The following ARHGAP15 variants were observed in gnomAD, a reference collection of about 807,000 sequenced individuals.
ARHGAP15 encodes rho GTPase-activating protein 15.
A neutral mutation model predicts 63.7 loss-of-function variants in ARHGAP15; 51 were observed. The ratio of observed to expected loss-of-function variants is 0.80; its 90% CI spans 0.64 to 1.01. The LOEUF (loss-of-function observed/expected upper bound fraction) is 1.01. Among genes scored for constraint, ARHGAP15 ranks in the 50% least tolerant of loss-of-function variants. The probability of loss-of-function intolerance (pLI) is 0.00; values close to 1 mark genes in which losing one functional copy is unlikely to be tolerated. For synonymous variants in ARHGAP15, 191 were observed against 193.8 expected, an observed-to-expected ratio of 0.99 and a Z score of 0.12; for missense variants, 560 against 564.6, an observed-to-expected ratio of 0.99 and a Z score of 0.08.
chr2:143,206,152 A>C (rs1384004050), intron 3 of ARHGAP15, among the ~76,000 whole-genome samples: 1 of 152,124 alleles, frequency 6.6e-6, no homozygotes, highest in Non-Finnish European at 1.5e-5. Context: ...TCATCCCAGC[A>C]CATGTTCATG....
chr2:143,429,354 T>C (rs1169021754), intron 6 of ARHGAP15, among the ~76,000 whole-genome samples: 1 of 151,756 alleles, frequency 6.6e-6, no homozygotes, highest in Non-Finnish European at 1.5e-5. Flanking sequence ...GCAGAACAAA[T>C]CTCTGTTGTA....
chr2:143,403,231 T>C (rs1688062822), intron 6 of ARHGAP15, among the ~76,000 whole-genome samples: 1 of 151,824 alleles, frequency 6.6e-6, no homozygotes, highest in Non-Finnish European at 1.5e-5. Flanking sequence ...TTGAAACCAA[T>C]AAGACCGTTT....
chr2:143,452,313 C>A (rs995725625), intron 8 of ARHGAP15, among the ~76,000 whole-genome samples: 3 of 151,896 alleles, frequency 2.0e-5, no homozygotes, highest in African/African-American at 7.2e-5. Flanking sequence ...GTAGGATCTG[C>A]TTATTGTGTA....
intron 6 of ARHGAP15, among the ~76,000 whole-genome samples, chr2:143,416,843 AC>A (rs1688710349): frequency 1.9e-4 from 13 of 70,136 alleles, no homozygotes; most frequent in Admixed American, 8.3e-4. Context: ...CCACGCCCCC[AC>A]GCCCCCACGC....
chr2:143,140,231 A>C (rs1689306339), intron 1 of ARHGAP15, among the ~76,000 whole-genome samples: 1 of 151,978 alleles, frequency 6.6e-6, no homozygotes, highest in African/African-American at 2.4e-5. Flanking sequence ...TGTGTGGGGG[A>C]GTATAGTATA....
intron 11 of ARHGAP15, chr2:143,587,917 A>G (rs1411084239): frequency 4.0e-6 from 1 of 250,628 alleles, no homozygotes; most frequent in Non-Finnish European, 8.4e-6. Flanking sequence ...AACTAACTGA[A>G]CCCATTAAAT....
chr2:143,358,340 T>G (rs1176778228), intron 6 of ARHGAP15, among the ~76,000 whole-genome samples: 1 of 152,202 alleles, frequency 6.6e-6, no homozygotes, highest in Non-Finnish European at 1.5e-5. Flanking sequence ...ACAAGTTATC[T>G]GTCTTGTCCC....
Position 143,387,808 on chromosome 2 carries a change from T to A in ARHGAP15, c.475-47793T>A, listed in dbSNP as rs528328655. On this transcript the variant is annotated intron_variant, in intron 6 of 13. Coordinates refer to ENST00000295095, the MANE Select transcript of ARHGAP15 (RefSeq NM_018460.4). ...CCTTGTCAGTACCCTTATCTGAAGG[T>A]GAAAGAATACACATACACACACACG... is the stretch of plus-strand genomic sequence containing the variant. 1.2e-3 allele frequency among the ~76,000 whole-genome samples: 178 copies of A among 151,646 alleles called. 5 individuals are homozygous for A. In the South Asian group the frequency reaches 0.034, roughly 29 times the overall value.
chr2:143,558,210 A>T (rs1427571169), intron 11 of ARHGAP15, among the ~76,000 whole-genome samples: 2 of 152,132 alleles, frequency 1.3e-5, no homozygotes, highest in African/African-American at 4.8e-5. Flanking sequence ...CTGTACTCCC[A>T]CATTTACATA....
At chr2:143,710,600 C>A (rs899029886) in intron 13 of ARHGAP15, among the ~76,000 whole-genome samples, 9 of 152,118 alleles carry the variant, frequency 5.9e-5, no homozygotes, top group African/African-American at 2.2e-4. Context: ...TAACATTCAC[C>A]ACTGAAAAAT....
chr2:143,511,318 T>G (rs1364555871), intron 9 of ARHGAP15, among the ~76,000 whole-genome samples: 5 of 152,146 alleles, frequency 3.3e-5, no homozygotes. Flanking sequence ...TTTTTCCCAA[T>G]CAATGTATAT....
chr2:143,385,170 G>A (rs189111626), intron 6 of ARHGAP15, among the ~76,000 whole-genome samples: 10 of 152,178 alleles, frequency 6.6e-5, no homozygotes, highest in East Asian at 3.9e-4. Flanking sequence ...TTGTAGCCAC[G>A]CAAAGAGTAA....
At chr2:143,382,518 A>G (rs761475675) in intron 6 of ARHGAP15, among the ~76,000 whole-genome samples, 1 of 152,140 alleles carries the variant, frequency 6.6e-6, no homozygotes, top group East Asian at 1.9e-4. Context: ...GACACCAATC[A>G]TATTGAATTA....
chr2:143,312,830 G>C (rs1683511695), intron 6 of ARHGAP15, among the ~76,000 whole-genome samples: 1 of 152,102 alleles, frequency 6.6e-6, no homozygotes, highest in Admixed American at 6.6e-5. Context: ...TGCCATTGTA[G>C]TTAACAAATT....
At chr2:143,431,192 C>A (rs935736892) in intron 6 of ARHGAP15, among the ~76,000 whole-genome samples, 1 of 151,970 alleles carries the variant, frequency 6.6e-6, no homozygotes, top group African/African-American at 2.4e-5. Context: ...ATAACTGAAA[C>A]CAAATTATCA....
rs536934310 is a variant in ARHGAP15, at chr2:143,390,784, C to T, written c.475-44817C>T. 1.1e-4 allele frequency among the ~76,000 whole-genome samples: 17 copies of T among 151,990 alleles called. No homozygotes were observed. In the South Asian group the frequency reaches 2.1e-3, roughly 19 times the overall value. The stretch of plus-strand genomic sequence containing the variant: ...ACACACACGTGCAAAGAGAGAAATA[C>T]ACTTGCTAAGGTACCAACCCAAAGG... On this transcript the variant is annotated intron_variant, in intron 6 of 13. Transcript: ENST00000295095.
chr2:143,739,162 T>C (rs1685867295), intron 13 of ARHGAP15, among the ~76,000 whole-genome samples: 1 of 152,122 alleles, frequency 6.6e-6, no homozygotes, highest in Non-Finnish European at 1.5e-5. Flanking sequence ...CTCTGTGACC[T>C]GTGCTTAGGG....
At chr2:143,283,277 G>A (rs899063184) in intron 6 of ARHGAP15, among the ~76,000 whole-genome samples, 2 of 152,094 alleles carry the variant, frequency 1.3e-5, no homozygotes, top group African/African-American at 2.4e-5. Flanking sequence ...ACACTATCTA[G>A]TTTGAAACTG....
chr2:143,343,771 C>A (rs1685158408), intron 6 of ARHGAP15, among the ~76,000 whole-genome samples: 1 of 152,032 alleles, frequency 6.6e-6, no homozygotes. Flanking sequence ...AATTGGGGAG[C>A]TTTCTCTAAG....
Sources: gnomAD v4.1 joint callset for allele counts (sites outside exome capture counted in the v4.1 genomes callset) on GRCh38, gnomAD v4.1.1 for gene constraint, MANE v1.5 for transcripts, NCBI Gene and HGNC (gene_info 2026-07-23, HGNC 2026-07-21) for gene names.